ZFHX3: variants seen among roughly 807,000 people sequenced by gnomAD.
The protein encoded by ZFHX3 is zinc finger homeobox 3.
Under a neutral mutation model 279.1 loss-of-function variants are expected in ZFHX3, and 42 were observed. The ratio of observed to expected loss-of-function variants is 0.15; its 90% CI spans 0.12 to 0.19. The LOEUF (loss-of-function observed/expected upper bound fraction) is 0.19, where lower values mean the gene tolerates loss of function less well. Among genes scored for constraint, ZFHX3 ranks in the 10% least tolerant of loss-of-function variants. The probability of loss-of-function intolerance (pLI) is 1.00; values close to 1 mark genes in which losing one functional copy is unlikely to be tolerated. For synonymous variants in ZFHX3, 2,293 were observed against 1,957.8 expected (o/e 1.17, Z -4.52); for missense variants, 4,981 against 4,754.0 (o/e 1.05, Z -1.40).
intron 2 of ZFHX3, among the ~76,000 whole-genome samples, chr16:73,606,097 G>C (rs1263225563): frequency 6.8e-6 from 1 of 147,138 alleles, no homozygotes; most frequent in African/African-American, 2.6e-5. Context: ...GTGGAGAACG[G>C]CGTGAACCCG....
At chr16:72,985,087 A>C (rs1199508248) in intron 1 of ZFHX3, among the ~76,000 whole-genome samples, 1 of 152,202 alleles carries the variant, frequency 6.6e-6, no homozygotes, top group Non-Finnish European at 1.5e-5. Flanking sequence ...GTTTCTGAGA[A>C]ACGTCACTTA....
At chr16:73,011,948 C>T (rs946817976) in intron 1 of ZFHX3, among the ~76,000 whole-genome samples, 5 of 152,118 alleles carry the variant, frequency 3.3e-5, no homozygotes, top group African/African-American at 4.8e-5. Flanking sequence ...CTTCTGTCCC[C>T]GTCCCCCAAG....
At position 73,651,779 on chromosome 16, in the gene ZFHX3, C is replaced by T. The variant is rs143873731; in HGVS notation, c.-1547+28401G>A. Among the ~76,000 whole-genome samples, 19 of 147,330 alleles carry T rather than the reference C, an allele frequency of 1.3e-4. No homozygotes were observed. In the East Asian group the frequency reaches 3.9e-3, roughly 30 times the overall value. On this transcript the variant is annotated intron_variant, in intron 2 of 17. Transcript: ENST00000641206. Reference sequence around the variant, plus strand: ...CTGACTCAGGAGAATGGCATGAACCCGGAAGGCAGAGCGAGCAGTGAGCGC... The same window carrying T: ...CTGACTCAGGAGAATGGCATGAACCTGGAAGGCAGAGCGAGCAGTGAGCGC...
At chr16:73,775,455 G>A (rs367590656) in intron 1 of ZFHX3, among the ~76,000 whole-genome samples, 9 of 152,226 alleles carry the variant, frequency 5.9e-5, no homozygotes, top group East Asian at 5.8e-4. Flanking sequence ...GCTGCAGCAC[G>A]ATAATTCTTA....
chr16:73,259,331 C>T (rs1439230006), intron 4 of ZFHX3, among the ~76,000 whole-genome samples: 3 of 152,246 alleles, frequency 2.0e-5, no homozygotes, highest in Admixed American at 1.3e-4. Context: ...CATTTCTTCA[C>T]ATCCTTGCCA....
At chr16:73,247,316 G>A (rs1380215609) in intron 5 of ZFHX3, among the ~76,000 whole-genome samples, 1 of 151,566 alleles carries the variant, frequency 6.6e-6, no homozygotes, top group African/African-American at 2.4e-5. Context: ...TTTGTGGAGT[G>A]TTTGTGTAGG....
intron 4 of ZFHX3, among the ~76,000 whole-genome samples, chr16:72,872,182 G>C (rs1201363322): frequency 6.6e-6 from 1 of 152,024 alleles, no homozygotes; most frequent in African/African-American, 2.4e-5. Flanking sequence ...ATATAATTTT[G>C]TATTCTTAAG....
rs2017535691 is a variant in ZFHX3, at chr16:73,414,693, C to T, written c.-1291+41310G>A. ...CTCTACAAAAATTTAAAATAATCCA[C>T]CAGGCATGGGGGCACGTGCCTATGG... On this transcript the variant is annotated intron_variant, in intron 3 of 17. Coordinates refer to the ZFHX3 transcript ENST00000641206. 3.3e-5 allele frequency among the ~76,000 whole-genome samples: 5 copies of T among 152,162 alleles called. No individual in the cohort carries two copies. In the South Asian group the frequency reaches 1.0e-3, roughly 31 times the overall value.
At chr16:73,715,530 T>G (rs902377890) in intron 1 of ZFHX3, among the ~76,000 whole-genome samples, 1 of 151,066 alleles carries the variant, frequency 6.6e-6, no homozygotes, top group Non-Finnish European at 1.5e-5. Context: ...CCGAAACTTA[T>G]GATCATCAAG....
At chr16:72,820,562 T>C (rs1203623283) in intron 5 of ZFHX3, among the ~76,000 whole-genome samples, 1 of 152,170 alleles carries the variant, frequency 6.6e-6, no homozygotes, top group Non-Finnish European at 1.5e-5. Flanking sequence ...TAAATATTCC[T>C]GATTTTGATT....
intron 2 of ZFHX3, among the ~76,000 whole-genome samples, chr16:73,497,384 T>C (rs2143657945): frequency 6.6e-6 from 1 of 152,314 alleles, no homozygotes; most frequent in South Asian, 2.1e-4. Context: ...AAATACTACT[T>C]GAGGTCAGGT....
At chr16:72,903,691 A>C (rs1253094695) in intron 3 of ZFHX3, among the ~76,000 whole-genome samples, 1 of 152,212 alleles carries the variant, frequency 6.6e-6, no homozygotes, top group African/African-American at 2.4e-5. Flanking sequence ...ATTAGTTGAG[A>C]AAGATCATGA....
At chr16:73,855,502 AGAG>A (rs35145538) in intron 1 of ZFHX3, among the ~76,000 whole-genome samples, 37 of 150,914 alleles carry the variant, frequency 2.5e-4, no homozygotes, top group Middle Eastern at 3.4e-3. Context: ...GGTTTTTTCC[AGAG>A]GAGGAGGAGG....
At chr16:73,421,697 A>G (rs1597329358) in intron 3 of ZFHX3, among the ~76,000 whole-genome samples, 2 of 152,132 alleles carry the variant, frequency 1.3e-5, no homozygotes, top group African/African-American at 4.8e-5. Flanking sequence ...CTGATACAGA[A>G]TCTGCACTTG....
intron 1 of ZFHX3, among the ~76,000 whole-genome samples, chr16:73,703,820 T>G (rs1488755920): frequency 1.3e-5 from 2 of 152,172 alleles, no homozygotes; most frequent in African/African-American, 4.8e-5. Flanking sequence ...TGCTTCACTG[T>G]GGTACGTTTT....
At chr16:73,416,369 G>A (rs1024692181) in intron 3 of ZFHX3, among the ~76,000 whole-genome samples, 1 of 152,142 alleles carries the variant, frequency 6.6e-6, no homozygotes, top group Admixed American at 6.5e-5. Flanking sequence ...GAATAAAAAT[G>A]TTGTAGACAG....
intron 9 of ZFHX3, chr16:72,789,700 T>G (rs1028418376): frequency 2.6e-5 from 4 of 152,246 alleles, no homozygotes; most frequent in African/African-American, 9.7e-5. Flanking sequence ...CAGGGAAAAT[T>G]GCTTCCATGC....
chr16:73,445,588 C>A (rs963075364), intron 3 of ZFHX3, among the ~76,000 whole-genome samples: 1 of 152,090 alleles, frequency 6.6e-6, no homozygotes, highest in African/African-American at 2.4e-5. Flanking sequence ...ACGCAAGATG[C>A]CTGAAATTCA....
chr16:73,411,489 C>T (rs1428339346), intron 3 of ZFHX3, among the ~76,000 whole-genome samples: 1 of 151,934 alleles, frequency 6.6e-6, no homozygotes, highest in African/African-American at 2.4e-5. Flanking sequence ...CACAAAAATT[C>T]CATTTATACT....
Sources: gnomAD v4.1 joint callset for allele counts (sites outside exome capture counted in the v4.1 genomes callset) on GRCh38, gnomAD v4.1.1 for gene constraint, MANE v1.5 for transcripts, NCBI Gene and HGNC (gene_info 2026-07-23, HGNC 2026-07-21) for gene names.